The following PVT1 variants were observed in gnomAD, a reference collection of about 807,000 sequenced individuals.
The protein encoded by PVT1 is CXCR4/PVT1 fusion.
intron 5 of PVT1, among the ~76,000 whole-genome samples, chr8:128,090,330 G>C (rs543619333): frequency 2.0e-5 from 3 of 152,304 alleles, no homozygotes; most frequent in African/African-American, 7.2e-5. Flanking sequence ...AAGACTGCGT[G>C]CCCAAACTTC....
At chr8:127,797,028 A>G (rs1814404622) in intron 2 of PVT1, among the ~76,000 whole-genome samples, 1 of 152,030 alleles carries the variant, frequency 6.6e-6, no homozygotes, top group South Asian at 2.1e-4. Flanking sequence ...ACAGGCATGC[A>G]TCACCACACC....
chr8:127,831,580 G>A lies in PVT1; in HGVS notation n.372+35509G>A, dbSNP rs570684423. Among the ~76,000 whole-genome samples, 5 of 152,254 alleles carry A rather than the reference G, an allele frequency of 3.3e-5. No homozygotes were observed. The South Asian group carries it at 1.0e-3, about 32-fold the overall frequency. Reference sequence around the variant, plus strand: ...GGGAGTGGAGTATAGATAGAAAAGTGGACATAGGACTAGACATGGCCACTA... The same window carrying A: ...GGGAGTGGAGTATAGATAGAAAAGTAGACATAGGACTAGACATGGCCACTA... On this transcript the variant is annotated intron_variant and non_coding_transcript_variant, in intron 2 of 10. Coordinates refer to ENST00000651587, the Ensembl canonical transcript of PVT1.
At chr8:128,099,061 C>A (rs1814467137) in intron 6 of PVT1, among the ~76,000 whole-genome samples, 1 of 152,228 alleles carries the variant, frequency 6.6e-6, no homozygotes, top group South Asian at 2.1e-4. Flanking sequence ...ATTTTACAGA[C>A]AATTAATACT....
intron 5 of PVT1, among the ~76,000 whole-genome samples, chr8:128,095,898 T>C (rs1586517610): frequency 6.6e-6 from 1 of 152,236 alleles, no homozygotes; most frequent in Non-Finnish European, 1.5e-5. Context: ...TCTTTCGGCA[T>C]GGTCAGAGCT....
intron 5 of PVT1, among the ~76,000 whole-genome samples, chr8:128,083,571 T>C (rs1814217872): frequency 6.6e-6 from 1 of 152,244 alleles, no homozygotes; most frequent in Non-Finnish European, 1.5e-5. Context: ...ATGGCTGAAA[T>C]ACCCAAACTT....
In PVT1 at chr8:127,805,149, C is replaced by T. The variant is rs569980509; in HGVS notation, n.372+9078C>T. The stretch of plus-strand genomic sequence containing the variant: ...TTCTCCACGTTGGTCAGGCTGGTCT[C>T]GAACTCCTGACCTCAGGTGATCCAC... On this transcript the variant is annotated intron_variant and non_coding_transcript_variant, in intron 2 of 10. Transcript: ENST00000651587. Among the ~76,000 whole-genome samples the T allele has an allele frequency of 2.9e-4, 44 of 150,462 alleles. 1 individual carries two copies. Among genetic ancestry groups the T allele is most frequent in the African/African-American group, 5.1e-4 (21 of 40,868 alleles).
chr8:127,889,066 T>C (rs1181592921), intron 2 of PVT1, among the ~76,000 whole-genome samples: 1 of 148,094 alleles, frequency 6.8e-6, no homozygotes, highest in Non-Finnish European at 1.5e-5. Context: ...CTTCCTTCCT[T>C]CCTTCCTTCC....
In PVT1 at chr8:127,948,091, C is replaced by T. The variant is rs547814782; in HGVS notation, n.783-41071C>T. 20 of 376,486 alleles carry T rather than the reference C, an allele frequency of 5.3e-5. 1 individual carries two copies. Among genetic ancestry groups the T allele is most frequent in the South Asian group, 2.0e-4 (10 of 49,110 alleles). 23.3% of individuals were successfully genotyped at this position (376,486 alleles called of 1,614,324 possible). A position where few individuals can be genotyped will look rare whatever the true frequency, so the allele number is the denominator to read the frequency against. ...AGTTTTAGCTTTCTTCTGCCAGCCCCGGTCAGCCTGCCTTTGACCCAAGGC... is the reference window on the plus strand; with the variant it reads ...AGTTTTAGCTTTCTTCTGCCAGCCCTGGTCAGCCTGCCTTTGACCCAAGGC... On this transcript the variant is annotated intron_variant and non_coding_transcript_variant, in intron 3 of 10. Transcript: ENST00000651587.
At chr8:128,098,695 G>A (rs1237360695) in intron 6 of PVT1, among the ~76,000 whole-genome samples, 10 of 152,222 alleles carry the variant, frequency 6.6e-5, no homozygotes. Context: ...AGCACTCGGT[G>A]TGAAATTGTC....
At chr8:127,985,072 C>T (rs555893933) in intron 3 of PVT1, among the ~76,000 whole-genome samples, 4 of 144,448 alleles carry the variant, frequency 2.8e-5, no homozygotes, top group East Asian at 2.0e-4. Flanking sequence ...CTCACTCTGT[C>T]GCCGAGGCTG....
intron 2 of PVT1, among the ~76,000 whole-genome samples, chr8:127,835,219 G>C (rs1434289150): frequency 6.6e-6 from 1 of 152,068 alleles, no homozygotes; most frequent in Non-Finnish European, 1.5e-5. Flanking sequence ...CTGATAGACT[G>C]GATAAAGAAA....
At chr8:127,922,317 G>T (rs183987731) in intron 3 of PVT1, among the ~76,000 whole-genome samples, 35 of 120,138 alleles carry the variant, frequency 2.9e-4, no homozygotes, top group Non-Finnish European at 5.0e-4. Flanking sequence ...AGTGACAAAA[G>T]TCACCCCAGA....
At chr8:127,958,824 A>G (rs1047413602) in intron 3 of PVT1, among the ~76,000 whole-genome samples, 8 of 152,318 alleles carry the variant, frequency 5.3e-5, no homozygotes, top group Admixed American at 3.3e-4. Context: ...GAATGATCCC[A>G]TAGCTGACAG....
chr8:127,807,651 G>A (rs1403505436), intron 2 of PVT1, among the ~76,000 whole-genome samples: 1 of 151,918 alleles, frequency 6.6e-6, no homozygotes, highest in Non-Finnish European at 1.5e-5. Context: ...AAAAGAAGGT[G>A]GATACCTACA....
Position 127,818,869 on chromosome 8 carries a change from TTC to T in PVT1, n.372+22813_372+22814del, listed in dbSNP as rs899657804. 2.1e-3 allele frequency among the ~76,000 whole-genome samples: 284 copies of T among 137,030 alleles called. 1 individual carries two copies. Among genetic ancestry groups the T allele is most frequent in the African/African-American group, 6.1e-3 (244 of 40,104 alleles). 89.9% of individuals were successfully genotyped at this position (137,030 alleles called of 152,430 possible). A position where few individuals can be genotyped will look rare whatever the true frequency, so the allele number is the denominator to read the frequency against. On this transcript the variant is annotated intron_variant and non_coding_transcript_variant, in intron 2 of 10. Transcript: ENST00000651587. ...GTAGGTGCTCAATAAACGCTGGTTA[TTC>T]TCTCTCTCTCTCTCACTCTGTTGCC... is the stretch of plus-strand genomic sequence containing the variant.
intron 2 of PVT1, among the ~76,000 whole-genome samples, chr8:127,851,079 A>G (rs1815102878): frequency 6.6e-6 from 1 of 152,210 alleles, no homozygotes; most frequent in African/African-American, 2.4e-5. Context: ...ATTTTTAAGC[A>G]TTTTATATTA....
At chr8:127,817,932 A>G (rs1458580169) in intron 2 of PVT1, among the ~76,000 whole-genome samples, 2 of 152,278 alleles carry the variant, frequency 1.3e-5, no homozygotes, top group South Asian at 4.1e-4. Context: ...TAATAAACAC[A>G]GAGTAAGTGC....
At chr8:127,961,299 G>C (rs1816639381) in intron 3 of PVT1, among the ~76,000 whole-genome samples, 1 of 152,226 alleles carries the variant, frequency 6.6e-6, no homozygotes, top group South Asian at 2.1e-4. Context: ...GTGGCCAGTG[G>C]TGACGGGGCC....
intron 4 of PVT1, chr8:128,049,118 C>A (rs755821011): frequency 1.9e-6 from 1 of 522,498 alleles, no homozygotes; most frequent in South Asian, 1.4e-5. Flanking sequence ...GAGATAGGAG[C>A]CCTTTCTTTT....
Sources: allele counts gnomAD v4.1 joint callset (sites outside exome capture counted in the v4.1 genomes callset), GRCh38; gene constraint gnomAD v4.1.1; transcripts MANE v1.5; gene names NCBI Gene and HGNC (gene_info 2026-07-23, HGNC 2026-07-21).